Variants in AREL1 observed in about 807,000 individuals in gnomAD.
The protein encoded by AREL1 is apoptosis-resistant E3 ubiquitin protein ligase 1.
AREL1 carries 62 observed loss-of-function variants against 99.0 expected under a neutral mutation model. That is an observed-to-expected ratio of 0.63 (90% CI 0.51 to 0.77). The LOEUF (loss-of-function observed/expected upper bound fraction) is 0.77, where lower values mean the gene tolerates loss of function less well. Among genes scored for constraint, AREL1 ranks in the 30% least tolerant of loss-of-function variants. The probability of loss-of-function intolerance (pLI) is 0.00; values close to 1 mark genes in which losing one functional copy is unlikely to be tolerated. For synonymous variants in AREL1, 380 were observed against 376.5 expected (o/e 1.01, Z -0.11); for missense variants, 879 against 1,027.6 (o/e 0.86, Z 1.98).
At chr14:74,704,216 C>T (rs2090135734) in intron 1 of AREL1, among the ~76,000 whole-genome samples, 1 of 152,096 alleles carries the variant, frequency 6.6e-6, no homozygotes, top group South Asian at 2.1e-4. Context: ...TTTATACATT[C>T]TAAATGTGAA....
intron 5 of AREL1, among the ~76,000 whole-genome samples, chr14:74,677,500 CTTTTTTT>C (rs58383006): frequency 6.3e-5 from 4 of 63,168 alleles, no homozygotes; most frequent in Admixed American, 6.3e-4. Context: ...TGTCTCTCTC[CTTTTTTT>C]TTTTTTTTTT....
chr14:74,682,749 G>T (rs892948740), intron 5 of AREL1, among the ~76,000 whole-genome samples: 1 of 152,124 alleles, frequency 6.6e-6, no homozygotes, highest in South Asian at 2.1e-4. Context: ...GTTCATGCAA[G>T]ATCTGTTTGT....
chr14:74,673,213 T>A lies in AREL1; in HGVS notation c.1164A>T (p.Ser388=). The stretch of plus-strand genomic sequence containing the variant: ...TATGGACAGGGTCAGGACCAAGGTA[T>A]GAAAACTGGTAAAGAAAAACAAAGA... The part of the protein sequence containing the change: ...TFRVCPGTKF[S]YLGPDPVHKL... The change falls in exon 10 of 20, where the codon TCA becomes TCT. Residue 388 remains serine, a synonymous_variant. Transcript: ENST00000356357. 6.2e-7 allele frequency: 1 copy of A among 1,613,820 alleles called. No homozygotes were observed. The highest frequency in any genetic ancestry group is 8.5e-7 in the Non-Finnish European group (1 of 1,179,986).
chr14:74,677,930 T>C (rs933839617), intron 5 of AREL1, among the ~76,000 whole-genome samples: 4 of 150,826 alleles, frequency 2.7e-5, no homozygotes, highest in African/African-American at 4.9e-5. Flanking sequence ...TGAAAAAAAC[T>C]TGGAAGAAAT....
chr14:74,704,649 A>T (rs545505536), intron 1 of AREL1, among the ~76,000 whole-genome samples: 3 of 152,180 alleles, frequency 2.0e-5, no homozygotes, highest in East Asian at 3.8e-4. Flanking sequence ...TTCCTTTCAC[A>T]TAAATATAAG....
At position 74,671,835 on chromosome 14, in the gene AREL1, G is replaced by A. The variant is rs78806505; in HGVS notation, c.1423-352C>T. On this transcript the variant is annotated intron_variant, in intron 11 of 19. Transcript: ENST00000356357. ...TCAAGTCAGTAAGCTGTAGGCAAAAGAACCAAGGAATCCTGGTTTTCAGCA... is the reference window on the plus strand; with the variant it reads ...TCAAGTCAGTAAGCTGTAGGCAAAAAAACCAAGGAATCCTGGTTTTCAGCA... 874 of 226,370 alleles carry A rather than the reference G, an allele frequency of 3.9e-3. 1 individual carries two copies. Among genetic ancestry groups the A allele is most frequent in the Middle Eastern group, 9.8e-3 (6 of 614 alleles). The allele number at this position is 226,370 out of a possible 1,614,324, so 14.0% of individuals were successfully genotyped here.
At chr14:74,670,150 G>T (rs763622846) in intron 13 of AREL1, 24 bp from the exon 14 acceptor site, 1 of 1,554,146 alleles carries the variant, frequency 6.4e-7, no homozygotes, top group Non-Finnish European at 8.7e-7. Context: ...AGACTGAAAG[G>T]CCCTGGGCCA....
intron 2 of AREL1, among the ~76,000 whole-genome samples, chr14:74,688,895 G>A (rs1296659812): frequency 6.6e-6 from 1 of 151,766 alleles, no homozygotes; most frequent in African/African-American, 2.4e-5. Flanking sequence ...GGAGTGCAGT[G>A]GCATAATCTT....
chr14:74,674,341 T>C (rs2089423193), intron 8 of AREL1, among the ~76,000 whole-genome samples: 1 of 152,228 alleles, frequency 6.6e-6, no homozygotes, highest in South Asian at 2.1e-4. Context: ...GGCTCACATC[T>C]ATAATCTCAG....
intron 1 of AREL1, among the ~76,000 whole-genome samples, chr14:74,696,823 G>A (rs1420411549): frequency 1.3e-5 from 2 of 152,078 alleles, no homozygotes; most frequent in Non-Finnish European, 2.9e-5. Context: ...AATTAGCCAC[G>A]CATGGTGGCA....
chr14:74,663,712 G>T lies in AREL1; in HGVS notation c.*8C>A. Reference sequence around the variant, plus strand: ...AGCATGGGAGCCAACTGGATGACAGGAGAGTGGTCAGAGCATGCCAAAGCC... The same window carrying T: ...AGCATGGGAGCCAACTGGATGACAGTAGAGTGGTCAGAGCATGCCAAAGCC... On this transcript the variant is annotated 3_prime_UTR_variant, in exon 20 of 20. Coordinates refer to ENST00000356357, the MANE Select transcript of AREL1 (RefSeq NM_001039479.2). 1 of 1,613,384 alleles carries T rather than the reference G, an allele frequency of 6.2e-7. No homozygotes were observed. Among genetic ancestry groups the T allele is most frequent in the South Asian group, 1.1e-5 (1 of 91,010 alleles).
intron 1 of AREL1, among the ~76,000 whole-genome samples, chr14:74,707,369 A>T (rs922708631): frequency 3.5e-5 from 5 of 144,246 alleles, no homozygotes; most frequent in African/African-American, 7.7e-5. Context: ...ACTCCATTTT[A>T]AAAAAAAAAG....
chr14:74,679,951 G>A (rs1410503538), intron 5 of AREL1, among the ~76,000 whole-genome samples: 1 of 151,978 alleles, frequency 6.6e-6, no homozygotes, highest in East Asian at 1.9e-4. Flanking sequence ...CCAAGGGGGT[G>A]GATCACTTGA....
In AREL1 at chr14:74,664,071, T is replaced by G. The variant is rs200776635; in HGVS notation, c.2197A>C (p.Met733Leu). Residue 733 changes from methionine (M) to leucine (L), a missense_variant, in exon 19 of 20, where the codon ATG becomes CTG. Met to Leu is a conservative substitution (Grantham distance 15). Coordinates refer to ENST00000356357, the MANE Select transcript of AREL1 (RefSeq NM_001039479.2). ...GAAACCACAGTCCAAAACCACCTCA[T>G]GACCTGGCAGGGAGAGCACAAGGCT... ...GGSWHFREKV[M>L]RWFWTVVSSL... 6.2e-7 allele frequency: 1 copy of G among 1,613,016 alleles called. No individual in the cohort carries two copies. The highest frequency in any genetic ancestry group is 1.3e-5 in the African/African-American group (1 of 74,990).
intron 4 of AREL1, 99 bp downstream of exon 4, chr14:74,684,355 A>T (rs1405485431): frequency 2.8e-6 from 3 of 1,085,322 alleles, no homozygotes; most frequent in Non-Finnish European, 4.1e-6. Flanking sequence ...GGAGTTGAAA[A>T]ACAAGAGAAA....
chr14:74,697,023 G>C (rs1031983192), intron 1 of AREL1, among the ~76,000 whole-genome samples: 8 of 152,098 alleles, frequency 5.3e-5, no homozygotes, highest in African/African-American at 1.9e-4. Flanking sequence ...GCATGCCCCT[G>C]TTGTCCTAGC....
intron 18 of AREL1, 37 bp from the exon 19 acceptor site, chr14:74,664,111 T>C: frequency 6.3e-7 from 1 of 1,593,282 alleles, no homozygotes; most frequent in Non-Finnish European, 8.6e-7. Flanking sequence ...TCACACACAG[T>C]AAACAAGCTA....
At chr14:74,671,385 G>A in intron 12 of AREL1, 23 bp downstream of exon 12, 1 of 627,044 alleles carries the variant, frequency 1.6e-6, no homozygotes, top group Non-Finnish European at 2.4e-6. Context: ...TCAAAAAGAT[G>A]AATATAAAAT....
rs77280012 is a variant in AREL1 at position 74,663,235 on chromosome 14, C to A, written c.*485G>T. The A allele has an allele frequency of 0.011, 2,324 of 213,400 alleles. 54 individuals are homozygous for A. Among genetic ancestry groups the A allele is most frequent in the African/African-American group, 0.047 (2,082 of 44,734 alleles). 13.2% of individuals were successfully genotyped at this position (213,400 alleles called of 1,614,324 possible). A position where few individuals can be genotyped will look rare whatever the true frequency, so the allele number is the denominator to read the frequency against. On this transcript the variant is annotated 3_prime_UTR_variant, in exon 20 of 20. Coordinates refer to ENST00000356357, the MANE Select transcript of AREL1 (RefSeq NM_001039479.2). ...CCACCTCCTATCTGTCCCCCTCTCT[C>A]CTGGCTCCTGATGAGAAGAGGCAAT...
Sources: gnomAD v4.1 joint callset for allele counts (sites outside exome capture counted in the v4.1 genomes callset) on GRCh38, gnomAD v4.1.1 for gene constraint, MANE v1.5 for transcripts, NCBI Gene and HGNC (gene_info 2026-07-23, HGNC 2026-07-21) for gene names.